The following PCDHGB1 variants were observed in gnomAD, a reference collection of about 807,000 sequenced individuals.
PCDHGB1 encodes the protein protocadherin gamma-B1.
Under a neutral mutation model 56.6 loss-of-function variants are expected in PCDHGB1, and 34 were observed. The ratio of observed to expected loss-of-function variants is 0.60; its 90% CI spans 0.46 to 0.80. PCDHGB1 has a LOEUF of 0.80. PCDHGB1 is among the 30% of genes least tolerant of loss of function. The pLI, the probability that PCDHGB1 is intolerant of heterozygous loss-of-function variation, is 0.00. For missense variants in PCDHGB1, 1,278 were observed against 1,204.6 expected, an observed-to-expected ratio of 1.06 and a Z score of -0.90; for synonymous variants, 561 against 505.9, an observed-to-expected ratio of 1.11 and a Z score of -1.46.
At chr5:141,434,978 C>G (rs1287204052) in intron 1 of PCDHGB1, among the ~76,000 whole-genome samples, 2 of 151,700 alleles carry the variant, frequency 1.3e-5, no homozygotes, top group Non-Finnish European at 2.9e-5. Flanking sequence ...TTTGTTAATA[C>G]TCTATATCAT....
chr5:141,390,874 G>C (rs2092257325), intron 1 of PCDHGB1: 1 of 153,302 alleles, frequency 6.5e-6, no homozygotes, highest in Non-Finnish European at 1.4e-5. Context: ...GTGCGTGTGT[G>C]TGTGTGTGTG....
intron 1 of PCDHGB1, among the ~76,000 whole-genome samples, chr5:141,492,408 C>T (rs1187024017): frequency 2.0e-5 from 3 of 152,244 alleles, no homozygotes; most frequent in African/African-American, 2.4e-5. Flanking sequence ...CTCCCCTCTG[C>T]CGCTCCCTCC....
intron 2 of PCDHGB1, among the ~76,000 whole-genome samples, chr5:141,495,193 T>C (rs1471524188): frequency 6.6e-6 from 1 of 152,192 alleles, no homozygotes; most frequent in Admixed American, 6.5e-5. Context: ...TCTATGCCCA[T>C]GTACTGCCTA....
intron 1 of PCDHGB1, chr5:141,375,541 A>G (rs566370523): frequency 1.2e-6 from 2 of 1,613,786 alleles, no homozygotes; most frequent in South Asian, 2.2e-5. Context: ...AGAACGCCCA[A>G]GTCTCCTACT....
At chr5:141,419,315 C>T in intron 1 of PCDHGB1, 1 of 1,613,998 alleles carries the variant, frequency 6.2e-7, no homozygotes. Flanking sequence ...GCTCAACGGC[C>T]GTGTCTCCTA....
At chr5:141,421,675 G>A in intron 1 of PCDHGB1, 2 of 1,613,910 alleles carry the variant, frequency 1.2e-6, no homozygotes, top group Non-Finnish European at 1.7e-6. Context: ...CGCAATTCCT[G>A]GGGCGCGATT....
chr5:141,355,486 T>C, intron 1 of PCDHGB1: 1 of 1,614,064 alleles, frequency 6.2e-7, no homozygotes, highest in Non-Finnish European at 8.5e-7. Context: ...GGAGGAGCTC[T>C]GCGACAGATC....
chr5:141,479,269 A>C (rs1279389471), intron 1 of PCDHGB1: 1 of 152,374 alleles, frequency 6.6e-6, no homozygotes, highest in Non-Finnish European at 1.5e-5. Context: ...TAAAAGTAAT[A>C]ATTTATTTCA....
intron 1 of PCDHGB1, chr5:141,357,142 G>C (rs1286381573): frequency 1.2e-6 from 2 of 1,613,582 alleles, no homozygotes; most frequent in Middle Eastern, 1.6e-4. Flanking sequence ...GGTCGTCCAG[G>C]ACCATGGCCA....
chr5:141,491,072 C>T lies in PCDHGB1; in HGVS notation c.2410-3735C>T, dbSNP rs778221466. The T allele has an allele frequency of 6.2e-7, 1 of 1,614,204 alleles. No individual in the cohort carries two copies. Among genetic ancestry groups the T allele is most frequent in the South Asian group, 1.1e-5 (1 of 91,086 alleles). On this transcript the variant is annotated intron_variant, in intron 1 of 3. Coordinates refer to ENST00000523390, the MANE Select transcript of PCDHGB1 (RefSeq NM_018922.3). The surrounding 1 kb of genome is among the most constrained non-coding windows in gnomAD (Gnocchi z 6.9). ...GCGTGGCTCTCCTACTCACTGTTGCCACAGTCCACAGCCCCAGGACTGTTC... is the reference window on the plus strand; with the variant it reads ...GCGTGGCTCTCCTACTCACTGTTGCTACAGTCCACAGCCCCAGGACTGTTC...
chr5:141,405,698 G>C (rs1274236930), intron 1 of PCDHGB1, among the ~76,000 whole-genome samples: 1 of 152,128 alleles, frequency 6.6e-6, no homozygotes, highest in Non-Finnish European at 1.5e-5. Flanking sequence ...GGCTGGTCTT[G>C]AATTCCTAAC....
chr5:141,379,963 G>A (rs1181673658), intron 1 of PCDHGB1, among the ~76,000 whole-genome samples: 1 of 124,340 alleles, frequency 8.0e-6, no homozygotes, highest in African/African-American at 3.0e-5. Context: ...GCAGTGGTGT[G>A]ATCTCTGCTC....
rs1349935659 is a variant in PCDHGB1 at position 141,507,722 on chromosome 5, A to C, written c.2557+2241A>C. 6.6e-5 allele frequency among the ~76,000 whole-genome samples: 10 copies of C among 152,354 alleles called. No homozygotes were observed. In the East Asian group the frequency reaches 1.9e-3, roughly 29 times the overall value. ...ATTTATGGCCCCAAACCCTCCAAGC[A>C]AGTCATGCAGCTCGTTCCCCTGTCA... On this transcript the variant is annotated intron_variant, in intron 3 of 3. Coordinates refer to ENST00000523390, the MANE Select transcript of PCDHGB1 (RefSeq NM_018922.3).
At chr5:141,474,461 CTT>C (rs1264129273) in intron 1 of PCDHGB1, among the ~76,000 whole-genome samples, 1 of 152,214 alleles carries the variant, frequency 6.6e-6, no homozygotes, top group East Asian at 1.9e-4. Context: ...GGGCTATACT[CTT>C]TATTCTAAAT....
intron 1 of PCDHGB1, chr5:141,478,600 C>T (rs762531135): frequency 6.4e-7 from 1 of 1,565,134 alleles, no homozygotes. Context: ...ATTCCTACAT[C>T]ATATTGAGGA....
At chr5:141,429,929 T>A (rs2097253197) in intron 1 of PCDHGB1, among the ~76,000 whole-genome samples, 1 of 152,240 alleles carries the variant, frequency 6.6e-6, no homozygotes, top group African/African-American at 2.4e-5. Flanking sequence ...AATAGAATTC[T>A]GGAGTACTTC....
Position 141,414,630 on chromosome 5 carries a change from C to A in PCDHGB1, c.2409+61961C>A. On this transcript the variant is annotated intron_variant, in intron 1 of 3. Coordinates refer to ENST00000523390, the MANE Select transcript of PCDHGB1 (RefSeq NM_018922.3). ...CAGTGACAGCGCTGGACCCGGACAG[C>A]AAAGAGAATGCCCAGATTATTTACT... 2 of 1,613,980 alleles carry A rather than the reference C, an allele frequency of 1.2e-6. No individual in the cohort carries two copies. Among genetic ancestry groups the A allele is most frequent in the Non-Finnish European group, 1.7e-6 (2 of 1,179,892 alleles).
chr5:141,422,117 C>A, intron 1 of PCDHGB1: 1 of 1,604,272 alleles, frequency 6.2e-7, no homozygotes, highest in East Asian at 2.2e-5. Context: ...CAATTGGATT[C>A]ACAAACTGGA....
chr5:141,422,194 C>A, intron 1 of PCDHGB1: 1 of 1,562,366 alleles, frequency 6.4e-7, no homozygotes, highest in South Asian at 1.2e-5. Flanking sequence ...AATTCAAGGC[C>A]AAGATGGTGG....
Sources: gnomAD v4.1 joint callset for allele counts (sites outside exome capture counted in the v4.1 genomes callset) on GRCh38, gnomAD v4.1.1 for gene constraint, Gnocchi (gnomAD v3.1) non-coding constraint, MANE v1.5 for transcripts, NCBI Gene and HGNC (gene_info 2026-07-23, HGNC 2026-07-21) for gene names.